The following EXT1 variants were observed in gnomAD, a reference collection of about 807,000 sequenced individuals.
EXT1 encodes exostosin-1.
EXT1 carries 20 observed loss-of-function variants against 82.5 expected under a neutral mutation model. That is an observed-to-expected ratio of 0.24 (90% CI 0.17 to 0.35). EXT1 has a LOEUF of 0.35. EXT1 is among the 10% of genes least tolerant of loss of function. The probability of loss-of-function intolerance (pLI) is 1.00; values close to 1 mark genes in which losing one functional copy is unlikely to be tolerated. For missense variants in EXT1, 757 were observed against 936.5 expected (o/e 0.81, Z 2.50); for synonymous variants, 348 against 350.8 (o/e 0.99, Z 0.09).
chr8:117,945,079 G>A (rs1193410772), intron 1 of EXT1, among the ~76,000 whole-genome samples: 2 of 152,176 alleles, frequency 1.3e-5, no homozygotes, highest in African/African-American at 4.8e-5. Flanking sequence ...GGAGAACGGC[G>A]TGAACCCGGG....
chr8:117,815,646 T>C (rs1385651930), intron 7 of EXT1, among the ~76,000 whole-genome samples: 1 of 152,072 alleles, frequency 6.6e-6, no homozygotes, highest in African/African-American at 2.4e-5. Flanking sequence ...CGAACAAACA[T>C]GTTGGCCAGG....
intron 1 of EXT1, among the ~76,000 whole-genome samples, chr8:117,839,261 CTG>C (rs927852056): frequency 2.0e-5 from 3 of 152,166 alleles, no homozygotes; most frequent in African/African-American, 4.8e-5. Context: ...AATTTTCTAT[CTG>C]TTTCCTCATC....
At chr8:118,066,502 G>A (rs879753284) in intron 1 of EXT1, among the ~76,000 whole-genome samples, 2 of 151,150 alleles carry the variant, frequency 1.3e-5, no homozygotes, top group East Asian at 1.9e-4. Context: ...GGAATTACAG[G>A]TGCGCACCAC....
intron 1 of EXT1, among the ~76,000 whole-genome samples, chr8:118,051,137 AC>A (rs541384380): frequency 1.3e-3 from 197 of 152,190 alleles, no homozygotes; most frequent in African/African-American, 4.5e-3. Context: ...GGAGTTTGAG[AC>A]CAGCCTGGCC....
At chr8:117,884,114 T>A (rs916452182) in intron 1 of EXT1, among the ~76,000 whole-genome samples, 3 of 152,094 alleles carry the variant, frequency 2.0e-5, no homozygotes, top group Non-Finnish European at 4.4e-5. Flanking sequence ...AAAATGGCCA[T>A]ACACTTGAAA....
chr8:118,002,381 CAAAA>C (rs772109456), intron 1 of EXT1, among the ~76,000 whole-genome samples: 3 of 61,034 alleles, frequency 4.9e-5, no homozygotes, highest in Admixed American at 2.0e-4. Context: ...ACTCCGTCTC[CAAAA>C]AAAAAAAAAA....
chr8:117,860,557 CATAG>C, intron 1 of EXT1, among the ~76,000 whole-genome samples: 1 of 152,290 alleles, frequency 6.6e-6, no homozygotes, highest in South Asian at 2.1e-4. Context: ...GTATCTATTA[CATAG>C]ATAATCTTTG....
chr8:117,967,409 C>T (rs1814845821), intron 1 of EXT1, among the ~76,000 whole-genome samples: 1 of 152,090 alleles, frequency 6.6e-6, no homozygotes. Flanking sequence ...TTCCTCAGAC[C>T]AAAAACTTAA....
chr8:117,829,294 C>T (rs1030991983), intron 4 of EXT1, among the ~76,000 whole-genome samples: 6 of 151,724 alleles, frequency 4.0e-5, no homozygotes, highest in African/African-American at 9.7e-5. Context: ...TTTCTTTTTC[C>T]GTCCTGCCTT....
chr8:117,883,024 A>G (rs1446177117), intron 1 of EXT1, among the ~76,000 whole-genome samples: 2 of 151,938 alleles, frequency 1.3e-5, no homozygotes, highest in African/African-American at 2.4e-5. Context: ...ACGGCATCAT[A>G]CTTTTGTTCA....
At chr8:118,100,936 A>T (rs548842194) in intron 1 of EXT1, among the ~76,000 whole-genome samples, 2 of 152,170 alleles carry the variant, frequency 1.3e-5, no homozygotes, top group East Asian at 3.9e-4. Flanking sequence ...TTACAGAAAC[A>T]ATGGCTGGAC....
chr8:117,904,236 T>C (rs891387779), intron 1 of EXT1, among the ~76,000 whole-genome samples: 1 of 152,200 alleles, frequency 6.6e-6, no homozygotes, highest in Non-Finnish European at 1.5e-5. Context: ...AATTTCTTTT[T>C]CTAAAAAAGA....
At chr8:118,067,257 C>T (rs552377332) in intron 1 of EXT1, among the ~76,000 whole-genome samples, 1 of 152,250 alleles carries the variant, frequency 6.6e-6, no homozygotes, top group African/African-American at 2.4e-5. Flanking sequence ...TGGCTGGAGA[C>T]GTCTTCCTCC....
intron 1 of EXT1, among the ~76,000 whole-genome samples, chr8:117,987,558 G>A (rs1279633317): frequency 6.6e-6 from 1 of 152,218 alleles, no homozygotes; most frequent in Non-Finnish European, 1.5e-5. Flanking sequence ...CAAAGTGAAT[G>A]AAGGAGAAAA....
intron 1 of EXT1, among the ~76,000 whole-genome samples, chr8:118,014,057 A>T (rs2129841693): frequency 6.6e-6 from 1 of 152,310 alleles, no homozygotes; most frequent in South Asian, 2.1e-4. Context: ...AACACCTCAC[A>T]GGGCTGTGCT....
chr8:118,088,195 G>C lies in EXT1; in HGVS notation c.962+21890C>G, dbSNP rs570081035. On this transcript the variant is annotated intron_variant, in intron 1 of 10. Transcript: ENST00000378204. ...AGGTCATTCATGGACTCATCTTGGG[G>C]AAACTAAAGCCAATGTCCATGGACA... is the stretch of plus-strand genomic sequence containing the variant. Among the ~76,000 whole-genome samples the C allele has an allele frequency of 1.2e-4, 19 of 152,244 alleles. No homozygotes were observed. In the South Asian group the frequency reaches 3.9e-3, roughly 32 times the overall value.
chr8:118,037,439 G>GGTA (rs1410940722), intron 1 of EXT1, among the ~76,000 whole-genome samples: 2 of 150,402 alleles, frequency 1.3e-5, no homozygotes, highest in African/African-American at 4.9e-5. Flanking sequence ...GTGCAGTGGT[G>GGTA]CAATCACAGC....
At chr8:118,087,939 CAAAAAAAAA>C (rs10706033) in intron 1 of EXT1, among the ~76,000 whole-genome samples, 16 of 83,924 alleles carry the variant, frequency 1.9e-4, no homozygotes, top group African/African-American at 6.0e-4. Flanking sequence ...CGTTTCAGGG[CAAAAAAAAA>C]AAAAAAAAAA....
intron 1 of EXT1, among the ~76,000 whole-genome samples, chr8:117,968,071 A>C (rs1448658951): frequency 6.6e-6 from 1 of 152,206 alleles, no homozygotes; most frequent in Non-Finnish European, 1.5e-5. Flanking sequence ...ATCTCTTAAC[A>C]TCATGTTGTA....
Sources: gnomAD v4.1 joint callset for allele counts (sites outside exome capture counted in the v4.1 genomes callset) on GRCh38, gnomAD v4.1.1 for gene constraint, MANE v1.5 for transcripts, NCBI Gene and HGNC (gene_info 2026-07-23, HGNC 2026-07-21) for gene names.